The following SLC9A9 variants were observed in gnomAD, a reference collection of about 807,000 sequenced individuals.
SLC9A9 encodes the protein solute carrier family 9 member A9, also known as sodium/hydrogen exchanger 9.
A neutral mutation model predicts 77.8 loss-of-function variants in SLC9A9; 62 were observed. That is an observed-to-expected ratio of 0.80 (90% CI 0.65 to 0.98). The LOEUF (loss-of-function observed/expected upper bound fraction) is 0.98, where lower values mean the gene tolerates loss of function less well. SLC9A9 is among the 50% of genes least tolerant of loss of function. The pLI is 0.00. For synonymous variants in SLC9A9, 320 were observed against 283.5 expected, an observed-to-expected ratio of 1.13 and a Z score of -1.29; for missense variants, 775 against 774.9, an observed-to-expected ratio of 1.00 and a Z score of 0.00.
At chr3:143,517,850 T>C (rs2036230208) in intron 9 of SLC9A9, 3 of 1,597,690 alleles carry the variant, frequency 1.9e-6, no homozygotes, top group Non-Finnish European at 1.7e-6. Context: ...GAGTTCACCA[T>C]CGTTTAGGGC....
At chr3:143,561,239 T>C (rs947913775) in intron 8 of SLC9A9, among the ~76,000 whole-genome samples, 7 of 152,280 alleles carry the variant, frequency 4.6e-5, no homozygotes, top group African/African-American at 1.7e-4. Flanking sequence ...AATTTTAGAT[T>C]ATTTAGAAAT....
intron 9 of SLC9A9, among the ~76,000 whole-genome samples, chr3:143,548,774 G>T (rs1276541479): frequency 1.3e-5 from 2 of 152,060 alleles, no homozygotes; most frequent in Non-Finnish European, 2.9e-5. Context: ...ATCTTAAAAT[G>T]AAAAAATACA....
rs976912304 is a variant in SLC9A9, at chr3:143,401,490, A to G, written c.1470-19376T>C. On this transcript the variant is annotated intron_variant, in intron 12 of 15. Coordinates refer to ENST00000316549, the MANE Select transcript of SLC9A9 (RefSeq NM_173653.4). ...CAGACTAGTGTAGAAAGCTATTCAC[A>G]TTAGTAAGCATGCAGCAGTAAAAAG... Among the ~76,000 whole-genome samples, 6 of 152,200 alleles carry G rather than the reference A, an allele frequency of 3.9e-5. No homozygotes were observed. The South Asian group carries it at 8.3e-4, about 21-fold the overall frequency.
At chr3:143,539,054 C>T (rs1273145909) in intron 9 of SLC9A9, among the ~76,000 whole-genome samples, 1 of 151,768 alleles carries the variant, frequency 6.6e-6, no homozygotes, top group Non-Finnish European at 1.5e-5. Flanking sequence ...TTTTTTTTAA[C>T]AGTTAGAACC....
At chr3:143,834,625 AACATG>A (rs1204467657) in intron 1 of SLC9A9, among the ~76,000 whole-genome samples, 1 of 147,820 alleles carries the variant, frequency 6.8e-6, no homozygotes, top group Non-Finnish European at 1.5e-5. Flanking sequence ...ACAAGAAATA[AACATG>A]AAGTGTCCAC....
intron 4 of SLC9A9, among the ~76,000 whole-genome samples, chr3:143,728,202 A>G (rs1934711156): frequency 1.3e-5 from 2 of 152,214 alleles, no homozygotes; most frequent in South Asian, 2.1e-4. Flanking sequence ...GAGTTTACAG[A>G]CCAAGAGAGG....
chr3:143,824,808 C>A (rs115682084), intron 2 of SLC9A9, among the ~76,000 whole-genome samples: 54 of 152,256 alleles, frequency 3.5e-4, no homozygotes, highest in African/African-American at 1.3e-3. Flanking sequence ...ATCTCACAGG[C>A]CAACTTTTTG....
At chr3:143,670,336 G>A (rs577224678) in intron 5 of SLC9A9, among the ~76,000 whole-genome samples, 1 of 152,224 alleles carries the variant, frequency 6.6e-6, no homozygotes, top group Non-Finnish European at 1.5e-5. Flanking sequence ...GATCAAGGGT[G>A]TGCTTTGCAG....
At chr3:143,797,047 A>T (rs539707334) in intron 2 of SLC9A9, 144 bp from the exon 3 acceptor site, 8 of 634,682 alleles carry the variant, frequency 1.3e-5, no homozygotes, top group African/African-American at 1.8e-5. Flanking sequence ...GAAGGTAGGA[A>T]AAAATGAAAA....
chr3:143,659,809 C>G (rs534241989), intron 5 of SLC9A9, among the ~76,000 whole-genome samples: 1 of 152,100 alleles, frequency 6.6e-6, no homozygotes, highest in African/African-American at 2.4e-5. Flanking sequence ...CCACCCAAAT[C>G]TCATCTTGAA....
At chr3:143,504,649 T>C (rs1019972087) in intron 9 of SLC9A9, among the ~76,000 whole-genome samples, 3 of 152,318 alleles carry the variant, frequency 2.0e-5, no homozygotes, top group African/African-American at 4.8e-5. Flanking sequence ...ATAGTAACAA[T>C]GTTAATGAAA....
intron 6 of SLC9A9, among the ~76,000 whole-genome samples, chr3:143,593,303 T>C (rs2037687436): frequency 6.6e-6 from 1 of 152,210 alleles, no homozygotes; most frequent in Non-Finnish European, 1.5e-5. Context: ...TCTCTCTCTG[T>C]AGTTTTTATT....
chr3:143,816,260 G>A (rs1289649539), intron 2 of SLC9A9, among the ~76,000 whole-genome samples: 1 of 152,150 alleles, frequency 6.6e-6, no homozygotes, highest in East Asian at 1.9e-4. Flanking sequence ...CTGGAGTACA[G>A]TGGTGTGGTC....
rs1026017570 is a variant in SLC9A9 at position 143,369,688 on chromosome 3, G to A, written c.1525-6125C>T. ...ATCTCTTTGAAGGAAAAAAAAGATG[G>A]GGCCTAATTTCTCTTCCTGTTGGGT... is the stretch of plus-strand genomic sequence containing the variant. On this transcript the variant is annotated intron_variant, in intron 13 of 15. Coordinates refer to ENST00000316549, the MANE Select transcript of SLC9A9 (RefSeq NM_173653.4). Among the ~76,000 whole-genome samples the A allele has an allele frequency of 3.9e-5, 6 of 152,076 alleles. No individual in the cohort carries two copies. The East Asian group carries it at 5.8e-4, about 15-fold the overall frequency.
chr3:143,597,395 C>T (rs2108683925), intron 6 of SLC9A9, among the ~76,000 whole-genome samples: 1 of 152,278 alleles, frequency 6.6e-6, no homozygotes, highest in African/African-American at 2.4e-5. Context: ...GGGGCCAAAA[C>T]ACAGCTCAGG....
chr3:143,734,282 G>T (rs1167190493), intron 4 of SLC9A9, among the ~76,000 whole-genome samples: 1 of 152,192 alleles, frequency 6.6e-6, no homozygotes, highest in Non-Finnish European at 1.5e-5. Context: ...CAGGCATAAT[G>T]GTGATTTGAG....
chr3:143,819,862 C>T (rs1038845233), intron 2 of SLC9A9, among the ~76,000 whole-genome samples: 2 of 152,198 alleles, frequency 1.3e-5, no homozygotes, highest in Non-Finnish European at 1.5e-5. Context: ...TATTTGTGCA[C>T]ACCTCATTTT....
At chr3:143,678,621 C>T (rs1932966704) in intron 5 of SLC9A9, among the ~76,000 whole-genome samples, 1 of 152,150 alleles carries the variant, frequency 6.6e-6, no homozygotes, top group African/African-American at 2.4e-5. Context: ...TCTGGATCAT[C>T]TATTATTTTT....
intron 5 of SLC9A9, among the ~76,000 whole-genome samples, chr3:143,687,530 G>A (rs1326550989): frequency 3.3e-5 from 5 of 152,076 alleles, no homozygotes; most frequent in South Asian, 2.1e-4. Flanking sequence ...TACCTTATGA[G>A]ATATCTTTAG....
Sources: gnomAD v4.1 joint callset for allele counts (sites outside exome capture counted in the v4.1 genomes callset) on GRCh38, gnomAD v4.1.1 for gene constraint, MANE v1.5 for transcripts, NCBI Gene and HGNC (gene_info 2026-07-23, HGNC 2026-07-21) for gene names.